Variants in LIMS1 observed in about 807,000 individuals in gnomAD.
LIMS1 encodes LIM zinc finger domain containing 1.
Under a neutral mutation model 44.1 loss-of-function variants are expected in LIMS1, and 18 were observed. That is an observed-to-expected ratio of 0.41 (90% CI 0.28 to 0.61). LIMS1 has a LOEUF of 0.61. Ranked by LOEUF, LIMS1 falls within the 20% of genes least tolerant of loss-of-function variation. The pLI, the probability that LIMS1 is intolerant of heterozygous loss-of-function variation, is 0.32. For missense variants in LIMS1, 201 were observed against 422.0 expected, an observed-to-expected ratio of 0.48 and a Z score of 4.59; for synonymous variants, 93 against 149.1, an observed-to-expected ratio of 0.62 and a Z score of 2.74.
chr2:108,568,956 A>G (rs1685388342), intron 1 of LIMS1, among the ~76,000 whole-genome samples: 1 of 152,054 alleles, frequency 6.6e-6, no homozygotes, highest in African/African-American at 2.4e-5. Flanking sequence ...CAGTGGCACA[A>G]TCTCAGCTCA....
At chr2:108,639,107 C>T (rs1167045488) in intron 1 of LIMS1, among the ~76,000 whole-genome samples, 2 of 152,038 alleles carry the variant, frequency 1.3e-5, no homozygotes, top group Non-Finnish European at 1.5e-5. Context: ...AGCACCTTTG[C>T]GATACAGAAC....
intron 8 of LIMS1, among the ~76,000 whole-genome samples, chr2:108,679,708 G>A (rs1692819559): frequency 6.6e-6 from 1 of 151,582 alleles, no homozygotes; most frequent in South Asian, 2.1e-4. Flanking sequence ...CTTGAGGCCA[G>A]GAGTTCGATA....
intron 2 of LIMS1, chr2:108,662,410 A>T: frequency 1.3e-6 from 2 of 1,525,134 alleles, no homozygotes; most frequent in East Asian, 2.4e-5. Context: ...CACCCCTCAC[A>T]CTGGACTATA....
At chr2:108,591,867 T>A (rs1408562449) in intron 1 of LIMS1, among the ~76,000 whole-genome samples, 1 of 150,226 alleles carries the variant, frequency 6.7e-6, no homozygotes, top group Non-Finnish European at 1.5e-5. Context: ...TGATCACAGC[T>A]CACTGCAACC....
chr2:108,682,005 T>C lies in LIMS1; in HGVS notation c.899+1235T>C, dbSNP rs141140063. 4.8e-3 allele frequency among the ~76,000 whole-genome samples: 732 copies of C among 152,098 alleles called. 8 individuals are homozygous for C. The highest frequency in any genetic ancestry group is 0.017 in the African/African-American group (693 of 41,574). On this transcript the variant is annotated intron_variant, in intron 9 of 9. Transcript: ENST00000544547. The stretch of plus-strand genomic sequence containing the variant: ...GTGCATTCATACAATACCCATATGC[T>C]ACTGTTTATGAATTCATTTCCTCAA...
intron 1 of LIMS1, among the ~76,000 whole-genome samples, chr2:108,552,729 AC>A (rs1467506646): frequency 1.3e-5 from 2 of 151,708 alleles, no homozygotes; most frequent in Non-Finnish European, 2.9e-5. Context: ...GGCATGTGCC[AC>A]CATGACAAGC....
chr2:108,599,742 C>T (rs1159616829), intron 1 of LIMS1, among the ~76,000 whole-genome samples: 1 of 152,080 alleles, frequency 6.6e-6, no homozygotes, highest in Non-Finnish European at 1.5e-5. Context: ...GATGAGATCT[C>T]ATTGTACTTT....
chr2:108,620,045 G>T (rs1232058396), intron 1 of LIMS1, among the ~76,000 whole-genome samples: 1 of 152,156 alleles, frequency 6.6e-6, no homozygotes, highest in African/African-American at 2.4e-5. Context: ...AACATATGCT[G>T]TGTTTGAATG....
chr2:108,623,258 T>C (rs926262699), intron 1 of LIMS1, among the ~76,000 whole-genome samples: 3 of 152,036 alleles, frequency 2.0e-5, no homozygotes, highest in Non-Finnish European at 4.4e-5. Context: ...TTTTTTACCC[T>C]AGTTATACTA....
At chr2:108,615,976 A>G (rs1209063463) in intron 1 of LIMS1, among the ~76,000 whole-genome samples, 1 of 151,990 alleles carries the variant, frequency 6.6e-6, no homozygotes, top group Non-Finnish European at 1.5e-5. Flanking sequence ...CCACTAACCT[A>G]CCTTGTACTC....
intron 2 of LIMS1, among the ~76,000 whole-genome samples, chr2:108,669,187 C>T (rs1210424660): frequency 6.6e-6 from 1 of 152,146 alleles, no homozygotes; most frequent in East Asian, 1.9e-4. Context: ...GCGGGAGGAT[C>T]ACTTGAGGTC....
At chr2:108,673,746 C>G (rs1692303063) in intron 5 of LIMS1, 1 of 152,128 alleles carries the variant, frequency 6.6e-6, no homozygotes. Flanking sequence ...ATAATATCAA[C>G]TATCAGTCCA....
chr2:108,536,153 C>T (rs763370175), intron 1 of LIMS1, among the ~76,000 whole-genome samples: 9 of 152,210 alleles, frequency 5.9e-5, no homozygotes, highest in Non-Finnish European at 1.2e-4. Flanking sequence ...TCCAGTGTCT[C>T]TCCGCATCCT....
intron 1 of LIMS1, among the ~76,000 whole-genome samples, chr2:108,553,522 T>C (rs994160563): frequency 5.9e-5 from 9 of 152,230 alleles, no homozygotes; most frequent in Admixed American, 4.6e-4. Context: ...GAAGAGACTT[T>C]AGAGAACTAT....
chr2:108,546,322 G>C (rs1340283890), intron 1 of LIMS1, among the ~76,000 whole-genome samples: 1 of 135,530 alleles, frequency 7.4e-6, no homozygotes, highest in Non-Finnish European at 1.5e-5. Context: ...TGTCCTCGAG[G>C]CTGGAGTGTG....
chr2:108,548,222 C>T (rs1684553191), intron 1 of LIMS1, among the ~76,000 whole-genome samples: 1 of 151,478 alleles, frequency 6.6e-6, no homozygotes, highest in African/African-American at 2.4e-5. Flanking sequence ...ATGAGAATTA[C>T]AATGATATAA....
At chr2:108,577,461 C>G (rs1168913566) in intron 1 of LIMS1, among the ~76,000 whole-genome samples, 1 of 152,154 alleles carries the variant, frequency 6.6e-6, no homozygotes, top group African/African-American at 2.4e-5. Context: ...TTATGTGCCC[C>G]GTACCTATAG....
chr2:108,656,505 A>G (rs539297574), intron 1 of LIMS1, among the ~76,000 whole-genome samples: 1 of 152,380 alleles, frequency 6.6e-6, no homozygotes, highest in South Asian at 2.1e-4. Context: ...AGTATTAAAT[A>G]TAAAATCAAC....
At chr2:108,620,707 A>G (rs2148871888) in intron 1 of LIMS1, among the ~76,000 whole-genome samples, 1 of 152,242 alleles carries the variant, frequency 6.6e-6, no homozygotes, top group African/African-American at 2.4e-5. Flanking sequence ...GGAAGAAACC[A>G]TCTTCCTTTC....
Sources: gnomAD v4.1 joint callset for allele counts (sites outside exome capture counted in the v4.1 genomes callset) on GRCh38, gnomAD v4.1.1 for gene constraint, MANE v1.5 for transcripts, NCBI Gene and HGNC (gene_info 2026-07-23, HGNC 2026-07-21) for gene names.